CNIH3: variants seen among roughly 807,000 people sequenced by gnomAD.
CNIH3 encodes cornichon family AMPA receptor auxiliary protein 3, also known as protein cornichon homolog 3.
A neutral mutation model predicts 24.1 loss-of-function variants in CNIH3; 14 were observed. The observed-to-expected ratio is 0.58, with a 90% CI of 0.38 to 0.91. The LOEUF (loss-of-function observed/expected upper bound fraction) is 0.91. Ranked by LOEUF, CNIH3 falls within the 40% of genes least tolerant of loss-of-function variation. CNIH3 has a pLI of 0.00. For missense variants in CNIH3, 178 were observed against 196.8 expected (o/e 0.90, Z 0.57); for synonymous variants, 68 against 73.8 (o/e 0.92, Z 0.40).
At chr1:224,547,271 A>G (rs1679737753) in intron 3 of CNIH3, among the ~76,000 whole-genome samples, 1 of 152,138 alleles carries the variant, frequency 6.6e-6, no homozygotes, top group South Asian at 2.1e-4. Context: ...CATTCATAAT[A>G]TCCGAAAGGA....
chr1:224,575,090 C>T (rs1680979583), intron 4 of CNIH3: 1 of 877,852 alleles, frequency 1.1e-6, no homozygotes, highest in Admixed American at 1.7e-5. Context: ...GCTCCCCCGA[C>T]AGGCCCTGGG....
Position 224,560,990 on chromosome 1 carries a change from A to G in CNIH3, n.451-5209A>G, listed in dbSNP as rs558357903. 2.0e-4 allele frequency among the ~76,000 whole-genome samples: 31 copies of G among 152,256 alleles called. 1 individual carries two copies. Among genetic ancestry groups the G allele is most frequent in the South Asian group, 8.3e-4 (4 of 4,826 alleles). ...ATTTCCCTCGTGATTAATGATATTC[A>G]GCACCTATATATGTTTACTGGCCAT... is the stretch of plus-strand genomic sequence containing the variant. On this transcript the variant is annotated intron_variant and non_coding_transcript_variant, in intron 3 of 5. Coordinates refer to the CNIH3 transcript ENST00000471578.
intron 2 of CNIH3, chr1:224,521,623 A>G (rs1678636556): frequency 6.6e-6 from 1 of 152,140 alleles, no homozygotes; most frequent in African/African-American, 2.4e-5. Flanking sequence ...AAAAGATAAC[A>G]TGCTAGCCTG....
intron 2 of CNIH3, among the ~76,000 whole-genome samples, chr1:224,524,736 A>G (rs200143113): frequency 6.6e-6 from 1 of 152,166 alleles, no homozygotes; most frequent in African/African-American, 2.4e-5. Context: ...TTTGCCTTCA[A>G]GTATCAATTT....
At chr1:224,612,854 A>C (rs867019796), upstream of CNIH3, among the ~76,000 whole-genome samples, 1 of 152,246 alleles carries the variant, frequency 6.6e-6, no homozygotes, top group East Asian at 1.9e-4. This position sits in a 1 kb window ranked among gnomAD's most constrained non-coding sequence, Gnocchi z 4.7. Context: ...GAAATTTTAT[A>C]CAGTACAATT....
At position 224,447,337 on chromosome 1, in the gene CNIH3, A is replaced by T. The variant is rs552222428; in HGVS notation, n.203+12475A>T. ...CAAGGCCAGAGAGCCGGGAGTTCTG[A>T]TGACTGAGGGCAGGAGTAGGAGAGT... is the stretch of plus-strand genomic sequence containing the variant. On this transcript the variant is annotated intron_variant and non_coding_transcript_variant, in intron 1 of 5. Coordinates refer to the CNIH3 transcript ENST00000471578. Among the ~76,000 whole-genome samples the T allele has an allele frequency of 2.0e-5, 3 of 152,300 alleles. No individual in the cohort carries two copies. The East Asian group carries it at 5.8e-4, about 29-fold the overall frequency.
At chr1:224,440,637 G>A (rs993472863) in intron 1 of CNIH3, among the ~76,000 whole-genome samples, 1 of 152,122 alleles carries the variant, frequency 6.6e-6, no homozygotes, top group Non-Finnish European at 1.5e-5. Flanking sequence ...TGCATAATAT[G>A]ATGCATTTTG....
chr1:224,651,916 T>A (rs1684876573), intron 1 of CNIH3, among the ~76,000 whole-genome samples: 1 of 152,204 alleles, frequency 6.6e-6, no homozygotes. Context: ...AAAGGCTTTA[T>A]CAGTTCACAT....
At chr1:224,600,845 A>G (rs1356046620) in intron 3 of CNIH3, among the ~76,000 whole-genome samples, 1 of 152,222 alleles carries the variant, frequency 6.6e-6, no homozygotes, top group Non-Finnish European at 1.5e-5. Context: ...CTGTCCTTAT[A>G]AGAAAATATA....
At chr1:224,636,530 C>T (rs1426099715) in intron 1 of CNIH3, among the ~76,000 whole-genome samples, 1 of 152,182 alleles carries the variant, frequency 6.6e-6, no homozygotes, top group Non-Finnish European at 1.5e-5. Flanking sequence ...CAATAAAGAA[C>T]AAAAACTTGA....
chr1:224,587,557 G>T (rs1449792458), intron 5 of CNIH3: 1 of 152,180 alleles, frequency 6.6e-6, no homozygotes, highest in Non-Finnish European at 1.5e-5. Context: ...CCTGAAAGAG[G>T]TATTTCTAAC....
chr1:224,617,030 G>T lies in CNIH3; in HGVS notation c.-145G>T. Reference sequence around the variant, plus strand: ...GCGCTTATTCGCTGACCCTCGAGTCGCTTCGCTAGCTGTGCGCCCTCCTGG... The same window carrying T: ...GCGCTTATTCGCTGACCCTCGAGTCTCTTCGCTAGCTGTGCGCCCTCCTGG... On this transcript the variant is annotated 5_prime_UTR_variant, in exon 1 of 6. Transcript: ENST00000272133. 1 of 1,420,652 alleles carries T rather than the reference G, an allele frequency of 7.0e-7. No individual in the cohort carries two copies. The highest frequency in any genetic ancestry group is 9.2e-7 in the Non-Finnish European group (1 of 1,090,460). 88.0% of individuals were successfully genotyped at this position (1,420,652 alleles called of 1,614,324 possible).
chr1:224,562,807 G>A (rs926310895), intron 3 of CNIH3, among the ~76,000 whole-genome samples: 1 of 152,142 alleles, frequency 6.6e-6, no homozygotes, highest in African/African-American at 2.4e-5. Context: ...GCAACTGGAA[G>A]CTTCCTGAGG....
rs374242987 is a variant in CNIH3, at chr1:224,739,400, C to G, written c.*44C>G. ...CATCAGAGACTGAGATGGGAGAGGC[C>G]TGAGACGGAGAGGTGCATTTCTGCT... On this transcript the variant is annotated 3_prime_UTR_variant, in exon 6 of 6. Transcript: ENST00000272133. 4.4e-6 allele frequency: 7 copies of G among 1,589,516 alleles called. No homozygotes were observed. Among genetic ancestry groups the G allele is most frequent in the Non-Finnish European group, 6.0e-6 (7 of 1,173,128 alleles).
intron 4 of CNIH3, among the ~76,000 whole-genome samples, chr1:224,733,851 C>G (rs1295166200): frequency 6.6e-6 from 1 of 152,116 alleles, no homozygotes; most frequent in Non-Finnish European, 1.5e-5. Context: ...TCCCAAGGGA[C>G]TCAGGAGGCT....
chr1:224,659,171 C>T (rs1685230089), intron 1 of CNIH3, among the ~76,000 whole-genome samples: 1 of 152,188 alleles, frequency 6.6e-6, no homozygotes, highest in South Asian at 2.1e-4. Context: ...CTCATGAAAG[C>T]AGTTTGTTTT....
chr1:224,489,053 G>A (rs143054623), intron 1 of CNIH3, among the ~76,000 whole-genome samples: 3 of 151,842 alleles, frequency 2.0e-5, no homozygotes, highest in Admixed American at 2.0e-4. Context: ...TTTGAATATT[G>A]AATAATTTTG....
At position 224,506,287 on chromosome 1, in the gene CNIH3, G is replaced by GCGCACACA. The variant is rs372343004; in HGVS notation, n.204-9453_204-9452insGCACACAC. On this transcript the variant is annotated intron_variant and non_coding_transcript_variant, in intron 1 of 5. Transcript: ENST00000471578. ...CACGCACACGCGCGCGCGCGCGCGC[G>GCGCACACA]CACACACACACACACACGGTCACTC... Among the ~76,000 whole-genome samples the GCGCACACA allele has an allele frequency of 1.6e-4, 23 of 147,428 alleles. No individual in the cohort carries two copies. The East Asian group carries it at 3.5e-3, about 22-fold the overall frequency.
At chr1:224,566,716 G>A (rs923809975) in intron 4 of CNIH3, among the ~76,000 whole-genome samples, 1 of 152,116 alleles carries the variant, frequency 6.6e-6, no homozygotes, top group African/African-American at 2.4e-5. Flanking sequence ...TTTTATGGCT[G>A]CATAGTATTC....
Sources: gnomAD v4.1 joint callset for allele counts (sites outside exome capture counted in the v4.1 genomes callset) on GRCh38, gnomAD v4.1.1 for gene constraint, Gnocchi (gnomAD v3.1) non-coding constraint, MANE v1.5 for transcripts, NCBI Gene and HGNC (gene_info 2026-07-23, HGNC 2026-07-21) for gene names.